PHC2: variants seen among roughly 807,000 people sequenced by gnomAD.
PHC2 encodes the protein polyhomeotic homolog 2.
In PHC2, 29 loss-of-function variants were observed where a neutral mutation model predicts 87.4. That is an observed-to-expected ratio of 0.33 (90% confidence interval 0.25 to 0.45). The LOEUF is 0.45. PHC2 is among the 20% of genes least tolerant of loss of function. The pLI is 1.00. For missense variants in PHC2, 857 were observed against 1,136.7 expected (o/e 0.75, Z 3.54); for synonymous variants, 438 against 461.7 (o/e 0.95, Z 0.66).
chr1:33,369,805 T>C lies in PHC2; in HGVS notation c.576+616A>G, dbSNP rs11591003. On this transcript the variant is annotated intron_variant, in intron 5 of 14. Transcript: ENST00000683057. The surrounding 1 kb of genome is among the most constrained non-coding windows in gnomAD (Gnocchi z 4.7). ...CCACCCAGGGAGTATGCTGCCATTT[T>C]CCCAGGGCATTCTCCTAAATCTTAG... 0.17 allele frequency among the ~76,000 whole-genome samples: 26,343 copies of C among 152,152 alleles called. 2,808 individuals are homozygous for C. The highest frequency in any genetic ancestry group is 0.27 in the South Asian group (1,297 of 4,822).
rs565139494 is a variant in PHC2 at position 33,325,667 on chromosome 1, T to G, written c.2426-648A>C. On this transcript the variant is annotated intron_variant, in intron 14 of 14. Transcript: ENST00000683057. ...GACACCAGGAGCCTCATACCAGGAC[T>G]GCCCAGCCGAGCCACTCGATTCCTG... 9 of 336,624 alleles carry G rather than the reference T, an allele frequency of 2.7e-5. No individual in the cohort carries two copies. The East Asian group carries it at 7.0e-4, about 26-fold the overall frequency. The allele number at this position is 336,624 out of a possible 1,614,324, so 20.9% of individuals were successfully genotyped here. A position where few individuals can be genotyped will look rare whatever the true frequency, so the allele number is the denominator to read the frequency against.
intron 1 of PHC2, among the ~76,000 whole-genome samples, chr1:33,430,678 G>C (rs1650876908): frequency 6.6e-6 from 1 of 151,830 alleles, no homozygotes; most frequent in African/African-American, 2.4e-5. Context: ...GCTCTCCGCA[G>C]CCCTCCTCGC....
In PHC2 at chr1:33,334,167, G is replaced by A; in HGVS notation, c.1684C>T (p.Gln562Ter). The A allele has an allele frequency of 6.2e-7, 1 of 1,614,026 alleles. No homozygotes were observed. Among genetic ancestry groups the A allele is most frequent in the Non-Finnish European group, 8.5e-7 (1 of 1,179,992 alleles). ...AGGATTTGGGGTTTCACAATGGCCT[G>A]TGGTGGTTTATTCTCACCATTCTGG... ...APQNGENKPP[Q>*]AIVKPQILTH... Residue 562 changes from glutamine (Q) to a stop codon, truncating the protein, a stop_gained, in exon 10 of 15, where the codon CAG becomes TAG. Coordinates refer to ENST00000683057, the MANE Select transcript of PHC2 (RefSeq NM_001385109.1). LOFTEE classifies it high-confidence loss of function. The surrounding 1 kb of genome is among the most constrained non-coding windows in gnomAD (Gnocchi z 5.5).
chr1:33,402,161 T>C (rs1042069420), intron 1 of PHC2, among the ~76,000 whole-genome samples: 2 of 152,192 alleles, frequency 1.3e-5, no homozygotes, highest in Non-Finnish European at 2.9e-5. Context: ...AATTGAATTT[T>C]CTACATGGCC....
chr1:33,364,407 C>G lies in PHC2; in HGVS notation c.976+2709G>C, dbSNP rs974446778. Among the ~76,000 whole-genome samples the G allele has an allele frequency of 1.8e-5, 2 of 111,300 alleles. No homozygotes were observed. The highest frequency in any genetic ancestry group is 4.6e-5 in the African/African-American group (1 of 21,778). 73.0% of individuals were successfully genotyped at this position (111,300 alleles called of 152,430 possible). ...ACTTGCTTTCACACACACACACACA[C>G]ACACACACACACACACACGCTCAAG... On this transcript the variant is annotated intron_variant, in intron 7 of 14. Transcript: ENST00000683057. The surrounding 1 kb of genome is among the most constrained non-coding windows in gnomAD (Gnocchi z 4.1).
chr1:33,328,730 C>G (rs1273413590), intron 14 of PHC2, 140 bp downstream of exon 14: 1 of 696,698 alleles, frequency 1.4e-6, no homozygotes, highest in African/African-American at 1.8e-5. Context: ...AGGCAGGGAG[C>G]TCATCTCACT....
intron 1 of PHC2, among the ~76,000 whole-genome samples, chr1:33,423,842 T>C (rs1466683412): frequency 1.3e-5 from 2 of 152,166 alleles, no homozygotes; most frequent in Non-Finnish European, 2.9e-5. Flanking sequence ...CTGATGCCTG[T>C]AATCCCAGCA....
rs114439707 is a variant in PHC2 at position 33,385,766 on chromosome 1, A to G, written c.-54-10173T>C. On this transcript the variant is annotated intron_variant, in intron 1 of 14. Transcript: ENST00000683057. The stretch of plus-strand genomic sequence containing the variant: ...TAGTCAGCACAGTGTTCTCAGGTCT[A>G]GTAACTTTCTTGGGTCTAGTAACAG... 5.0e-3 allele frequency among the ~76,000 whole-genome samples: 754 copies of G among 152,178 alleles called. 9 individuals carry two copies. The highest frequency in any genetic ancestry group is 0.017 in the African/African-American group (709 of 41,536).
At chr1:33,356,279 A>ATATATATATATATATATATATATG (rs1557831097) in intron 7 of PHC2, among the ~76,000 whole-genome samples, 8 of 129,222 alleles carry the variant, frequency 6.2e-5, no homozygotes, top group Non-Finnish European at 4.7e-5. Flanking sequence ...ATATATATGT[A>ATATATATATATATATATATATATG]TATATATATA....
chr1:33,381,413 C>G (rs919568205), intron 1 of PHC2, among the ~76,000 whole-genome samples: 1 of 152,116 alleles, frequency 6.6e-6, no homozygotes, highest in Admixed American at 6.5e-5. Context: ...CATCAGCCAC[C>G]TGTGATTTCA....
intron 1 of PHC2, among the ~76,000 whole-genome samples, chr1:33,396,137 C>G (rs1345619766): frequency 6.6e-6 from 1 of 152,204 alleles, no homozygotes; most frequent in Non-Finnish European, 1.5e-5. Context: ...ATTCACCACT[C>G]AGTCTATGGC....
At chr1:33,414,177 T>TCACA (rs201845759) in intron 1 of PHC2, among the ~76,000 whole-genome samples, 23,391 of 142,612 alleles carry the variant, frequency 0.16, 1,932 homozygotes, top group Non-Finnish European at 0.19. Flanking sequence ...TCTCTCTCTG[T>TCACA]CACACACACA....
chr1:33,427,408 G>A (rs1194037146), intron 1 of PHC2, among the ~76,000 whole-genome samples: 1 of 152,150 alleles, frequency 6.6e-6, no homozygotes, highest in Non-Finnish European at 1.5e-5. Context: ...GAAGCAGACA[G>A]GGAAAATTAA....
At chr1:33,405,184 CTT>C (rs533085133) in intron 1 of PHC2, among the ~76,000 whole-genome samples, 4 of 142,024 alleles carry the variant, frequency 2.8e-5, no homozygotes, top group Non-Finnish European at 4.6e-5. Context: ...GATTTGTAGT[CTT>C]TTTTTTTTTT....
At chr1:33,387,477 G>A (rs1648823717) in intron 1 of PHC2, among the ~76,000 whole-genome samples, 1 of 152,236 alleles carries the variant, frequency 6.6e-6, no homozygotes, top group Non-Finnish European at 1.5e-5. Context: ...AATTAGGTAT[G>A]TAGATGGTCT....
chr1:33,327,404 G>A (rs1646394875), intron 14 of PHC2, among the ~76,000 whole-genome samples: 1 of 152,080 alleles, frequency 6.6e-6, no homozygotes, highest in South Asian at 2.1e-4. Context: ...AAACTGTCGG[G>A]GATTTGGTGG....
chr1:33,330,366 G>A (rs529045874), intron 12 of PHC2, among the ~76,000 whole-genome samples, 154 bp from the exon 13 acceptor site: 1 of 152,312 alleles, frequency 6.6e-6, no homozygotes, highest in Admixed American at 6.5e-5. Context: ...GTGACTTTGG[G>A]TTTAAGTCAC....
In PHC2 at chr1:33,334,630, T is replaced by C. The variant is rs1003068496; in HGVS notation, c.1559-338A>G. Among the ~76,000 whole-genome samples, 2 of 152,234 alleles carry C rather than the reference T, an allele frequency of 1.3e-5. No homozygotes were observed. Among genetic ancestry groups the C allele is most frequent in the African/African-American group, 4.8e-5 (2 of 41,460 alleles). On this transcript the variant is annotated intron_variant, in intron 9 of 14. Coordinates refer to ENST00000683057, the MANE Select transcript of PHC2 (RefSeq NM_001385109.1). The surrounding 1 kb of genome is among the most constrained non-coding windows in gnomAD (Gnocchi z 5.5). ...GTTAAGACCTTGGTCGATACTGATT[T>C]GAACAAATAAGGTTAATACTCAGTT...
chr1:33,403,639 A>G (rs981513209), intron 1 of PHC2, among the ~76,000 whole-genome samples: 11 of 152,222 alleles, frequency 7.2e-5, no homozygotes, highest in African/African-American at 2.7e-4. Flanking sequence ...GAAAAATCAT[A>G]TCAAATATCT....
Sources: allele counts gnomAD v4.1 joint callset (sites outside exome capture counted in the v4.1 genomes callset), GRCh38; gene constraint gnomAD v4.1.1; non-coding constraint Gnocchi (gnomAD v3.1); transcripts MANE v1.5; gene names NCBI Gene and HGNC (gene_info 2026-07-23, HGNC 2026-07-21).